Variants in CHL1 observed in about 807,000 individuals in gnomAD.
CHL1 encodes the protein neural cell adhesion molecule L1-like protein.
CHL1 carries 96 observed loss-of-function variants against 141.9 expected under a neutral mutation model. The ratio of observed to expected loss-of-function variants is 0.68; its 90% CI spans 0.57 to 0.80. The LOEUF is 0.80. CHL1 is among the 30% of genes least tolerant of loss of function. CHL1 has a pLI of 0.00. For synonymous variants in CHL1, 613 were observed against 502.2 expected (o/e 1.22, Z -2.95); for missense variants, 1,820 against 1,457.2 (o/e 1.25, Z -4.05).
rs533300444 is a variant in CHL1 at position 295,566 on chromosome 3, T to C, written c.-94-24117T>C. 1.2e-4 allele frequency among the ~76,000 whole-genome samples: 19 copies of C among 152,336 alleles called. No individual in the cohort carries two copies. In the East Asian group the frequency reaches 3.1e-3, roughly 25 times the overall value. ...TCGTTCTTTGGAAGTAACTCTTTTTTTTTCTTCTGTTCTTAGTCATCCATC... is the reference window on the plus strand; with the variant it reads ...TCGTTCTTTGGAAGTAACTCTTTTTCTTTCTTCTGTTCTTAGTCATCCATC... On this transcript the variant is annotated intron_variant, in intron 2 of 27. Transcript: ENST00000256509.
intron 25 of CHL1, 119 bp downstream of exon 25, chr3:398,504 G>T (rs945515891): frequency 3.6e-6 from 2 of 562,772 alleles, no homozygotes; most frequent in Admixed American, 3.1e-5. Flanking sequence ...TATGAAAATC[G>T]TAATTTCAAT....
At chr3:269,841 T>G (rs750986382) in intron 2 of CHL1, among the ~76,000 whole-genome samples, 7 of 152,160 alleles carry the variant, frequency 4.6e-5, no homozygotes, top group Non-Finnish European at 1.0e-4. Context: ...AGACCCAGTA[T>G]TAAGCAGCTG....
intron 2 of CHL1, among the ~76,000 whole-genome samples, chr3:301,767 A>T (rs1269974583): frequency 1.3e-5 from 2 of 152,174 alleles, no homozygotes; most frequent in Admixed American, 1.3e-4. Context: ...TATTATTATT[A>T]TACTTTAAGT....
At chr3:322,780 G>T (rs1287436352) in intron 3 of CHL1, among the ~76,000 whole-genome samples, 2 of 150,018 alleles carry the variant, frequency 1.3e-5, no homozygotes, top group East Asian at 3.9e-4. Flanking sequence ...GGAGGTTGAG[G>T]CTGCAGTGAG....
chr3:356,691 C>T (rs1414472158), intron 11 of CHL1, among the ~76,000 whole-genome samples: 1 of 151,982 alleles, frequency 6.6e-6, no homozygotes. Context: ...ACCTAAATAG[C>T]AGGGAAAGTG....
chr3:383,671 C>A (rs1301049948), intron 18 of CHL1, 145 bp from the exon 19 acceptor site: 5 of 504,366 alleles, frequency 9.9e-6, no homozygotes, highest in East Asian at 6.0e-5. Flanking sequence ...TACCTTAAAT[C>A]TTTTTAGGAA....
intron 2 of CHL1, among the ~76,000 whole-genome samples, chr3:246,282 G>C (rs1693165930): frequency 6.6e-6 from 1 of 152,026 alleles, no homozygotes. Flanking sequence ...TATTTCTCTT[G>C]ACATTATGAA....
At chr3:231,244 T>A (rs1234820481) in intron 1 of CHL1, among the ~76,000 whole-genome samples, 3 of 152,164 alleles carry the variant, frequency 2.0e-5, no homozygotes, top group African/African-American at 7.2e-5. Flanking sequence ...TTATAAAAAA[T>A]AAAAATAATT....
chr3:317,959 T>C (rs374857438), intron 2 of CHL1, among the ~76,000 whole-genome samples: 10 of 152,044 alleles, frequency 6.6e-5, no homozygotes, highest in African/African-American at 2.2e-4. Flanking sequence ...AAGTTATTTG[T>C]CATTAGAAAA....
Position 341,923 on chromosome 3 carries a change from A to G in CHL1, c.520A>G (p.Ile174Val). ...ATATCTCTTTTCAGAATTAGAACAC[A>G]TCGAACAAGATGAAAGAGTATACAT... Reference protein sequence around the residue: ...IYWMNIELEHIEQDERVYMSQ... With the variant: ...IYWMNIELEHVEQDERVYMSQ... Residue 174 changes from isoleucine to valine, a missense_variant, in exon 7 of 28, where the codon ATC (isoleucine) becomes GTC (valine). By Grantham distance (29) the Ile-to-Val change is conservative (BLOSUM62 3). Transcript: ENST00000256509. 1 of 1,605,646 alleles carries G rather than the reference A, an allele frequency of 6.2e-7. No homozygotes were observed. Among genetic ancestry groups the G allele is most frequent in the Non-Finnish European group, 8.5e-7 (1 of 1,173,554 alleles).
At chr3:319,433 A>G (rs1700386715) in intron 2 of CHL1, among the ~76,000 whole-genome samples, 1 of 151,864 alleles carries the variant, frequency 6.6e-6, no homozygotes, top group Admixed American at 6.6e-5. Flanking sequence ...CCTTCCAAGT[A>G]AAACTTCCTC....
intron 1 of CHL1, among the ~76,000 whole-genome samples, chr3:242,257 C>T (rs1692652357): frequency 6.6e-6 from 1 of 152,014 alleles, no homozygotes; most frequent in East Asian, 1.9e-4. Flanking sequence ...CATCTCTTTC[C>T]AGAGATCATG....
intron 1 of CHL1, among the ~76,000 whole-genome samples, chr3:243,135 C>T (rs1428649458): frequency 6.6e-6 from 1 of 152,154 alleles, no homozygotes; most frequent in Non-Finnish European, 1.5e-5. Context: ...TAGATTAAGT[C>T]ATGTAACATT....
At chr3:382,790 A>G (rs956984446) in intron 18 of CHL1, 119 bp downstream of exon 18, 6 of 864,538 alleles carry the variant, frequency 6.9e-6, no homozygotes, top group Middle Eastern at 3.3e-4. Flanking sequence ...AAATAGTGTT[A>G]ACAGTTCTCT....
intron 5 of CHL1, among the ~76,000 whole-genome samples, chr3:330,506 A>G (rs1382640416): frequency 6.6e-6 from 1 of 152,172 alleles, no homozygotes; most frequent in African/African-American, 2.4e-5. Flanking sequence ...AAAGCAGAAA[A>G]TAAATTCAAC....
intron 24 of CHL1, among the ~76,000 whole-genome samples, chr3:396,248 G>C (rs934783242): frequency 2.0e-5 from 3 of 152,110 alleles, no homozygotes; most frequent in African/African-American, 7.2e-5. Flanking sequence ...GTAACTAAAA[G>C]GTTCTTATGT....
At chr3:233,799 A>G (rs1402396482) in intron 1 of CHL1, among the ~76,000 whole-genome samples, 1 of 152,064 alleles carries the variant, frequency 6.6e-6, no homozygotes, top group African/African-American at 2.4e-5. Context: ...TATTCTACAT[A>G]TTTAATTATT....
intron 19 of CHL1, 80 bp downstream of exon 19, chr3:383,966 CACA>C (rs1707365563): frequency 1.1e-6 from 1 of 874,738 alleles, no homozygotes; most frequent in Non-Finnish European, 1.8e-6. Context: ...ACAATGATAG[CACA>C]ACATTTTTTT....
intron 11 of CHL1, among the ~76,000 whole-genome samples, chr3:356,419 G>C (rs542587454): frequency 2.4e-4 from 37 of 152,194 alleles, no homozygotes; most frequent in African/African-American, 7.0e-4. Flanking sequence ...ATATTTATGG[G>C]GTACTTTCTA....
Sources: gnomAD v4.1 joint callset for allele counts (sites outside exome capture counted in the v4.1 genomes callset) on GRCh38, gnomAD v4.1.1 for gene constraint, MANE v1.5 for transcripts, NCBI Gene and HGNC (gene_info 2026-07-23, HGNC 2026-07-21) for gene names.